DAB1: variants seen among roughly 807,000 people sequenced by gnomAD.
The protein encoded by DAB1 is DAB adaptor protein 1, also known as disabled homolog 1.
Under a neutral mutation model 64.6 loss-of-function variants are expected in DAB1, and 15 were observed. The observed-to-expected ratio is 0.23, with a 90% CI of 0.16 to 0.36. The LOEUF is 0.36. Ranked by LOEUF, DAB1 falls within the 10% of genes least tolerant of loss-of-function variation. The pLI is 1.00. For synonymous variants in DAB1, 235 were observed against 251.9 expected, an observed-to-expected ratio of 0.93 and a Z score of 0.64; for missense variants, 596 against 706.7, an observed-to-expected ratio of 0.84 and a Z score of 1.78.
rs534901845 is a variant in DAB1 at position 57,567,433 on chromosome 1, C to T, written n.625+82159G>A. On this transcript the variant is annotated intron_variant and non_coding_transcript_variant, in intron 7 of 20. Transcript: ENST00000485760. The stretch of plus-strand genomic sequence containing the variant: ...TGTTGGAAGTTCTGGCCAGGGCAAC[C>T]AGGCAGGAGAAAGAAATAAAGGGTA... Among the ~76,000 whole-genome samples the T allele has an allele frequency of 1.4e-3, 208 of 152,224 alleles. 1 individual carries two copies. The highest frequency in any genetic ancestry group is 6.8e-3 in the Middle Eastern group (2 of 294).
rs941920678 is a variant in DAB1 at position 57,352,837 on chromosome 1, T to G, written c.-136-61671A>C. On this transcript the variant is annotated intron_variant, in intron 1 of 14. Transcript: ENST00000371236. ...TTGATTACCCTCAATCAATAATAAT[T>G]GATGATTATTTGTGGGTGAGCTTCC... is the stretch of plus-strand genomic sequence containing the variant. Among the ~76,000 whole-genome samples, 4 of 152,028 alleles carry G rather than the reference T, an allele frequency of 2.6e-5. No individual in the cohort carries two copies. In the East Asian group the frequency reaches 7.7e-4, roughly 29 times the overall value.
intron 6 of DAB1, among the ~76,000 whole-genome samples, chr1:57,767,342 G>C (rs1038272236): frequency 1.3e-5 from 2 of 152,116 alleles, no homozygotes; most frequent in Admixed American, 6.6e-5. Context: ...TATCACTCAG[G>C]AAATTCCAAG....
At chr1:58,495,928 T>C (rs944208241) in intron 3 of DAB1, among the ~76,000 whole-genome samples, 1 of 152,154 alleles carries the variant, frequency 6.6e-6, no homozygotes, top group Non-Finnish European at 1.5e-5. Context: ...AAGCCTGTCT[T>C]TGCAATGAAG....
At chr1:57,795,726 T>TAC (rs1650826085) in intron 6 of DAB1, among the ~76,000 whole-genome samples, 1 of 118,276 alleles carries the variant, frequency 8.5e-6, no homozygotes, top group East Asian at 2.5e-4. Flanking sequence ...TATATATATA[T>TAC]ATATATATCA....
chr1:58,476,774 G>GA (rs1202011480), intron 3 of DAB1, among the ~76,000 whole-genome samples: 3 of 152,298 alleles, frequency 2.0e-5, no homozygotes, highest in Admixed American at 6.5e-5. Flanking sequence ...TTAAATCAGG[G>GA]AAAAGGTGTT....
At chr1:57,190,084 T>C (rs1663987762) in intron 2 of DAB1, among the ~76,000 whole-genome samples, 1 of 152,190 alleles carries the variant, frequency 6.6e-6, no homozygotes, top group South Asian at 2.1e-4. Context: ...TTCTCAAACC[T>C]GAGTGTGCAT....
intron 1 of DAB1, among the ~76,000 whole-genome samples, chr1:57,375,990 C>T (rs10047071): frequency 0.41 from 61,579 of 151,948 alleles, 12,984 homozygotes; most frequent in African/African-American, 0.44. Flanking sequence ...ACACAGACAA[C>T]TGTCATATTT....
intron 4 of DAB1, among the ~76,000 whole-genome samples, chr1:58,193,970 T>C (rs909314895): frequency 2.0e-5 from 3 of 152,190 alleles, no homozygotes; most frequent in Non-Finnish European, 4.4e-5. Context: ...TCAAAGGGTC[T>C]GCTCCAGCCA....
chr1:57,024,098 C>G (rs1051850181), intron 10 of DAB1, among the ~76,000 whole-genome samples: 3 of 152,098 alleles, frequency 2.0e-5, no homozygotes, highest in African/African-American at 7.2e-5. Context: ...AATACACGGT[C>G]AATGAGCAGT....
At chr1:57,852,469 T>C (rs1229334725) in intron 1 of DAB1, among the ~76,000 whole-genome samples, 1 of 152,092 alleles carries the variant, frequency 6.6e-6, no homozygotes, top group Admixed American at 6.5e-5. Context: ...GGAGGAATCC[T>C]AGGAGCTCTG....
intron 5 of DAB1, among the ~76,000 whole-genome samples, chr1:58,088,406 G>A (rs1650447616): frequency 6.6e-6 from 1 of 152,132 alleles, no homozygotes. Flanking sequence ...GTGGCCATTT[G>A]CCCATCTATT....
chr1:58,284,738 G>A (rs1268257951), intron 4 of DAB1, among the ~76,000 whole-genome samples: 1 of 152,190 alleles, frequency 6.6e-6, no homozygotes, highest in Admixed American at 6.5e-5. Flanking sequence ...GGGATAAACT[G>A]AGGCTCAGAA....
chr1:57,806,949 G>C (rs1436422339), intron 6 of DAB1, among the ~76,000 whole-genome samples: 2 of 152,104 alleles, frequency 1.3e-5, no homozygotes, highest in Non-Finnish European at 2.9e-5. Context: ...TTTGTCTGTT[G>C]CTGAATTCTT....
chr1:57,565,721 C>T (rs370565161), intron 7 of DAB1, among the ~76,000 whole-genome samples: 47 of 152,262 alleles, frequency 3.1e-4, no homozygotes, highest in East Asian at 1.7e-3. Flanking sequence ...ACAAGAAGAG[C>T]GAACTATCCT....
intron 1 of DAB1, among the ~76,000 whole-genome samples, chr1:57,847,745 A>G (rs1310536982): frequency 6.6e-6 from 1 of 152,202 alleles, no homozygotes; most frequent in Non-Finnish European, 1.5e-5. Context: ...AGAAATGTAA[A>G]GAGATCATGA....
intron 6 of DAB1, among the ~76,000 whole-genome samples, chr1:57,699,274 T>C (rs983876880): frequency 6.6e-6 from 1 of 152,174 alleles, no homozygotes; most frequent in Non-Finnish European, 1.5e-5. Flanking sequence ...ACATGCAACT[T>C]ACTAACATTT....
intron 3 of DAB1, among the ~76,000 whole-genome samples, chr1:58,419,420 A>G (rs1043774384): frequency 6.6e-6 from 1 of 152,220 alleles, no homozygotes; most frequent in Non-Finnish European, 1.5e-5. Flanking sequence ...AATATAAGCT[A>G]TGACCATCAT....
intron 4 of DAB1, among the ~76,000 whole-genome samples, chr1:57,135,478 TACA>T (rs1323586228): frequency 7.2e-5 from 11 of 152,352 alleles, no homozygotes; most frequent in African/African-American, 2.2e-4. Context: ...TGTATGTATA[TACA>T]ACATTTTGTT....
At chr1:57,925,477 C>G (rs1644865814) in intron 5 of DAB1, among the ~76,000 whole-genome samples, 2 of 152,178 alleles carry the variant, frequency 1.3e-5, no homozygotes, top group African/African-American at 4.8e-5. Context: ...TATTCACTCT[C>G]TAAACATTTA....
Sources: gnomAD v4.1 joint callset for allele counts (sites outside exome capture counted in the v4.1 genomes callset) on GRCh38, gnomAD v4.1.1 for gene constraint, MANE v1.5 for transcripts, NCBI Gene and HGNC (gene_info 2026-07-23, HGNC 2026-07-21) for gene names.